The following SPINDOC variants were observed in gnomAD, a reference collection of about 807,000 sequenced individuals.
The protein encoded by SPINDOC is spindlin interactor and repressor of chromatin binding, also known as spindlin interactor and repressor of chromatin-binding protein.
Under a neutral mutation model 30.7 loss-of-function variants are expected in SPINDOC, and 13 were observed. The observed-to-expected ratio is 0.42, with a 90% CI of 0.28 to 0.67. SPINDOC has a LOEUF of 0.67. Ranked by LOEUF, SPINDOC falls within the 30% of genes least tolerant of loss-of-function variation. The pLI, the probability that SPINDOC is intolerant of heterozygous loss-of-function variation, is 0.22. For synonymous variants in SPINDOC, 228 were observed against 211.4 expected (o/e 1.08, Z -0.68); for missense variants, 438 against 518.0 (o/e 0.85, Z 1.50).
chr11:63,817,655 C>T (rs1435767520), intron 1 of SPINDOC, 150 bp from the exon 2 acceptor site: 4 of 716,678 alleles, frequency 5.6e-6, no homozygotes, highest in Non-Finnish European at 9.2e-6. Flanking sequence ...TGGCGTGTGC[C>T]TCATGGGCTC....
intron 5 of SPINDOC, among the ~76,000 whole-genome samples, chr11:63,825,945 CT>C (rs35274282): frequency 0.041 from 6,087 of 146,790 alleles, 382 homozygotes; most frequent in African/African-American, 0.14. Flanking sequence ...TGTAATGTAA[CT>C]TTTTTTTTTT....
At chr11:63,825,955 T>C (rs1202277383) in intron 5 of SPINDOC, among the ~76,000 whole-genome samples, 3 of 152,142 alleles carry the variant, frequency 2.0e-5, no homozygotes, top group Non-Finnish European at 2.9e-5. Flanking sequence ...CTTTTTTTTT[T>C]TTTGAGACAG....
intron 1 of SPINDOC, among the ~76,000 whole-genome samples, chr11:63,815,164 T>C (rs1285808192): frequency 6.6e-6 from 1 of 152,242 alleles, no homozygotes; most frequent in Admixed American, 6.5e-5. Flanking sequence ...GGGTATTTAA[T>C]TGAATATATC....
At chr11:63,814,675 T>G (rs933865101) in intron 1 of SPINDOC, among the ~76,000 whole-genome samples, 22 of 152,218 alleles carry the variant, frequency 1.4e-4, no homozygotes, top group African/African-American at 5.3e-4. Flanking sequence ...TGCCATTCAT[T>G]GAACTTCAGC....
chr11:63,822,250 A>C (rs2015541169), intron 5 of SPINDOC, among the ~76,000 whole-genome samples: 1 of 151,850 alleles, frequency 6.6e-6, no homozygotes, highest in Non-Finnish European at 1.5e-5. Context: ...AGGCTAAGGC[A>C]AGAGGATCAC....
chr11:63,813,838 C>G (rs1156553878), intron 1 of SPINDOC, 25 bp downstream of exon 1: 1 of 1,501,202 alleles, frequency 6.7e-7, no homozygotes, highest in Non-Finnish European at 8.9e-7. Context: ...GATTCCACTT[C>G]CGCGTCACGG....
chr11:63,814,633 G>A (rs1304203421), intron 1 of SPINDOC, among the ~76,000 whole-genome samples: 2 of 152,160 alleles, frequency 1.3e-5, no homozygotes, highest in Non-Finnish European at 2.9e-5. Context: ...TTCTTAGGCG[G>A]GATAGTACCC....
intron 5 of SPINDOC, 53 bp from the exon 6 acceptor site, chr11:63,826,875 G>A (rs547543768): frequency 1.7e-5 from 15 of 883,418 alleles, no homozygotes; most frequent in South Asian, 4.1e-5. Context: ...GGGCATCCTC[G>A]TGGTGGGGTG....
chr11:63,826,805 C>T (rs541367337), intron 5 of SPINDOC, 123 bp from the exon 6 acceptor site: 212 of 641,208 alleles, frequency 3.3e-4, no homozygotes, highest in Non-Finnish European at 5.2e-4. Flanking sequence ...ATGCCAGGCA[C>T]TGGGCTGTGG....
In SPINDOC at chr11:63,818,234, A is replaced by C. The variant is rs1590931145; in HGVS notation, c.476A>C (p.His159Pro). The change falls in exon 3 of 6, where the codon CAC becomes CCC. Residue 159 changes from histidine to proline, a missense_variant. By Grantham distance (77) the His-to-Pro change is moderately conservative. This residue lies in a region of SPINDOC where 300 missense variants were observed against 332.8 expected (regional missense o/e 0.90). Coordinates refer to ENST00000294244, the MANE Select transcript of SPINDOC (RefSeq NM_138471.3). This position sits in a 1 kb window ranked among gnomAD's most constrained non-coding sequence, Gnocchi z 5.3. ...CCTGCAGACTCGGGCCAGGATGCCC[A>C]CCCAGACCCAGACGCCAACCCAGAC... is the stretch of plus-strand genomic sequence containing the variant. ...PPNSDSGQDA[H>P]PDPDANPDAA... The C allele has an allele frequency of 6.2e-7, 1 of 1,613,998 alleles. No individual in the cohort carries two copies. Among genetic ancestry groups the C allele is most frequent in the Non-Finnish European group, 8.5e-7 (1 of 1,179,990 alleles).
At chr11:63,823,212 C>T (rs935770856) in intron 5 of SPINDOC, 48 of 1,288,848 alleles carry the variant, frequency 3.7e-5, no homozygotes, top group Non-Finnish European at 4.9e-5. Context: ...AGGCTCTGGA[C>T]CTGTGGTTTC....
chr11:63,826,969 A>T lies in SPINDOC; in HGVS notation c.976A>T (p.Ile326Phe), dbSNP rs1350184035. The T allele has an allele frequency of 6.2e-6, 10 of 1,606,456 alleles. No homozygotes were observed. Among genetic ancestry groups the T allele is most frequent in the Non-Finnish European group, 8.5e-6 (10 of 1,173,176 alleles). Residue 326 changes from isoleucine (I) to phenylalanine (F), a missense_variant, in exon 6 of 6, where the codon ATC (isoleucine) becomes TTC (phenylalanine). Ile to Phe is a conservative substitution (Grantham distance 21). Coordinates refer to ENST00000294244, the MANE Select transcript of SPINDOC (RefSeq NM_138471.3). ...GLRGTLDLQVIRVRMEEPPAV... is the reference protein window; with the variant it reads ...GLRGTLDLQVFRVRMEEPPAV... ...CCGCGGGACACTGGATCTCCAGGTT[A>T]TCCGCGTGCGGATGGAGGAGCCCCC...
intron 5 of SPINDOC, among the ~76,000 whole-genome samples, chr11:63,825,592 C>T (rs2015635941): frequency 6.6e-6 from 1 of 152,204 alleles, no homozygotes; most frequent in Admixed American, 6.5e-5. Flanking sequence ...GTACCCCTAG[C>T]AATCCAAACG....
At chr11:63,817,648 C>T (rs1328585258) in intron 1 of SPINDOC, among the ~76,000 whole-genome samples, 157 bp from the exon 2 acceptor site, 7 of 152,122 alleles carry the variant, frequency 4.6e-5, no homozygotes, top group South Asian at 2.1e-4. Context: ...TTGAGTGTGG[C>T]GTGTGCCTCA....
Position 63,818,964 on chromosome 11 carries a change from C to T in SPINDOC, c.896C>T (p.Ala299Val), listed in dbSNP as rs553290378. ...GACTCACCCAAAGACAGGGAAGTGG[C>T]AGAAGGAGGCCTTCCCCGGGCGGAG... is the stretch of plus-strand genomic sequence containing the variant. ...SKDSPKDREV[A>V]EGGLPRAESP... Residue 299 changes from alanine (A) to valine (V), a missense_variant, in exon 5 of 6, where the codon GCA (alanine) becomes GTA (valine). Ala to Val is a moderately conservative substitution (Grantham distance 64). This residue lies in a region of SPINDOC where 300 missense variants were observed against 332.8 expected (regional missense o/e 0.90). Transcript: ENST00000294244. This position sits in a 1 kb window ranked among gnomAD's most constrained non-coding sequence, Gnocchi z 5.3. 28 of 1,614,082 alleles carry T rather than the reference C, an allele frequency of 1.7e-5. 1 individual carries two copies. The South Asian group carries it at 2.7e-4, about 16-fold the overall frequency.
chr11:63,822,936 G>A, intron 5 of SPINDOC: 1 of 1,246,340 alleles, frequency 8.0e-7, no homozygotes, highest in Non-Finnish European at 1.1e-6. Context: ...TCAGCAGGCT[G>A]CTTGAGTGAT....
At chr11:63,819,791 C>G (rs1057117440) in intron 5 of SPINDOC, among the ~76,000 whole-genome samples, 1 of 152,232 alleles carries the variant, frequency 6.6e-6, no homozygotes, top group African/African-American at 2.4e-5. Flanking sequence ...GCCACCGCAC[C>G]TGACCAGGTG....
intron 5 of SPINDOC, among the ~76,000 whole-genome samples, chr11:63,819,479 C>A (rs1423266966): frequency 6.7e-6 from 1 of 150,216 alleles, no homozygotes; most frequent in Non-Finnish European, 1.5e-5. Context: ...GCAAAGTACA[C>A]CACGCCTGGC....
At chr11:63,816,130 G>C (rs1023630537) in intron 1 of SPINDOC, among the ~76,000 whole-genome samples, 5 of 152,176 alleles carry the variant, frequency 3.3e-5, no homozygotes, top group Admixed American at 6.6e-5. Flanking sequence ...CAAGTGCCAG[G>C]TGGTGATGTG....
Sources: allele counts gnomAD v4.1 joint callset (sites outside exome capture counted in the v4.1 genomes callset), GRCh38; gene constraint gnomAD v4.1.1; regional missense constraint gnomAD v4.1.1; non-coding constraint Gnocchi (gnomAD v3.1); transcripts MANE v1.5; gene names NCBI Gene and HGNC (gene_info 2026-07-23, HGNC 2026-07-21).